DOP1A: variants seen among roughly 807,000 people sequenced by gnomAD.
DOP1A encodes protein DOP1A.
In DOP1A, 90 loss-of-function variants were observed where a neutral mutation model predicts 267.6. The observed-to-expected ratio is 0.34, with a 90% CI of 0.28 to 0.40. DOP1A has a LOEUF of 0.40. Ranked by LOEUF, DOP1A falls within the 10% of genes least tolerant of loss-of-function variation. DOP1A has a pLI of 1.00. For synonymous variants in DOP1A, 932 were observed against 999.1 expected (o/e 0.93, Z 1.27); for missense variants, 2,437 against 2,900.4 (o/e 0.84, Z 3.67).
At chr6:83,165,005 C>A in intron 38 of DOP1A, 2 of 313,516 alleles carry the variant, frequency 6.4e-6, no homozygotes, top group Non-Finnish European at 1.2e-5. Flanking sequence ...CTTAAAGGCT[C>A]ATCTTGATAG....
In DOP1A at chr6:83,070,161, TAGGAG is replaced by T. The variant is rs199947674; in HGVS notation, c.-147+2386_-147+2390del. Among the ~76,000 whole-genome samples, 1,180 of 152,302 alleles carry T rather than the reference TAGGAG, an allele frequency of 7.7e-3. 15 individuals are homozygous for T. Among genetic ancestry groups the T allele is most frequent in the African/African-American group, 0.026 (1,077 of 41,556 alleles). ...GTTAATGCACAATTTTGCTTGCAGATAGGAGAGGTGGGAAGAGAACATGTAATTTT... is the reference window on the plus strand; with the variant it reads ...GTTAATGCACAATTTTGCTTGCAGATAGGTGGGAAGAGAACATGTAATTTT... On this transcript the variant is annotated intron_variant, in intron 1 of 38. Coordinates refer to ENST00000349129, the MANE Select transcript of DOP1A (RefSeq NM_015018.4).
intron 33 of DOP1A, among the ~76,000 whole-genome samples, chr6:83,155,691 A>G (rs1185594591): frequency 6.6e-6 from 1 of 152,186 alleles, no homozygotes; most frequent in African/African-American, 2.4e-5. Context: ...GGTTTTATAT[A>G]AATGGTATTA....
chr6:83,108,982 A>G lies in DOP1A; in HGVS notation c.393A>G (p.Ile131Met). The part of the protein sequence containing the change: ...VKPTLLSLYE[I>M]YYLPLGKTLK... Reference sequence around the variant, plus strand: ...CAACATTGCTCAGTTTGTATGAGATATATTATCTGCCTTTGGGTAAAACAC... The same window carrying G: ...CAACATTGCTCAGTTTGTATGAGATGTATTATCTGCCTTTGGGTAAAACAC... Residue 131 changes from isoleucine to methionine, a missense_variant, in exon 5 of 39, where the codon ATA becomes ATG. Ile to Met is a conservative substitution (Grantham distance 10). Transcript: ENST00000349129. The G allele has an allele frequency of 1.2e-6, 2 of 1,613,810 alleles. No individual in the cohort carries two copies. The highest frequency in any genetic ancestry group is 1.7e-6 in the Non-Finnish European group (2 of 1,179,890).
chr6:83,151,442 G>A (rs1453118935), intron 27 of DOP1A, 151 bp from the exon 28 acceptor site: 4 of 490,120 alleles, frequency 8.2e-6, no homozygotes, highest in African/African-American at 2.0e-5. Context: ...GTTTATGAAT[G>A]TCAGTTGAGT....
chr6:83,112,414 T>C (rs1014103718), intron 6 of DOP1A, among the ~76,000 whole-genome samples: 1 of 151,942 alleles, frequency 6.6e-6, no homozygotes, highest in Non-Finnish European at 1.5e-5. Flanking sequence ...AGAAACAAAC[T>C]GTCATGTAAA....
chr6:83,082,190 G>A (rs1340992538), intron 1 of DOP1A, among the ~76,000 whole-genome samples: 1 of 152,126 alleles, frequency 6.6e-6, no homozygotes, highest in Non-Finnish European at 1.5e-5. Context: ...CAAAGAAAAT[G>A]AAATCAGTAT....
chr6:83,145,755 T>C lies in DOP1A; in HGVS notation c.5676+97T>C, dbSNP rs1021657526. 5.8e-6 allele frequency: 7 copies of C among 1,209,328 alleles called. No homozygotes were observed. The African/African-American group carries it at 1.1e-4, about 19-fold the overall frequency. 74.9% of individuals were successfully genotyped at this position (1,209,328 alleles called of 1,614,324 possible). On this transcript the variant is annotated intron_variant, in intron 25 of 38. Coordinates refer to ENST00000349129, the MANE Select transcript of DOP1A (RefSeq NM_015018.4). ...GTACAATAATGTCCTTTCAATATAG[T>C]ACAGATTGCAGAGATGACTGCATGT...
chr6:83,157,648 A>G (rs563973960), intron 35 of DOP1A, among the ~76,000 whole-genome samples: 1 of 152,322 alleles, frequency 6.6e-6, no homozygotes, highest in East Asian at 1.9e-4. Flanking sequence ...ACCCATTTAC[A>G]ATAGCTGTAG....
chr6:83,157,017 G>C lies in DOP1A; in HGVS notation c.6605-165G>C, dbSNP rs1336058975. On this transcript the variant is annotated intron_variant, in intron 34 of 38. Coordinates refer to ENST00000349129, the MANE Select transcript of DOP1A (RefSeq NM_015018.4). ...GTATTTTGTGTATCTTTGTTTAATT[G>C]GAGTTCTCTTATTCGTTGTTTTATG... 1.1e-4 allele frequency among the ~76,000 whole-genome samples: 16 copies of C among 152,054 alleles called. No individual in the cohort carries two copies. The South Asian group carries it at 1.9e-3, about 18-fold the overall frequency.
intron 1 of DOP1A, among the ~76,000 whole-genome samples, chr6:83,069,613 TAAAAA>T (rs979846623): frequency 5.3e-5 from 8 of 152,050 alleles, no homozygotes; most frequent in Non-Finnish European, 1.0e-4. Flanking sequence ...CTCACTTGTA[TAAAAA>T]AAATTATATT....
intron 1 of DOP1A, among the ~76,000 whole-genome samples, chr6:83,094,994 G>A (rs1041848701): frequency 5.9e-5 from 9 of 152,078 alleles, no homozygotes; most frequent in African/African-American, 1.4e-4. Flanking sequence ...GTGCAGCGGC[G>A]TGATCTTGGC....
At chr6:83,124,862 C>A in intron 13 of DOP1A, 43 bp downstream of exon 13, 2 of 1,461,828 alleles carry the variant, frequency 1.4e-6, no homozygotes, top group Non-Finnish European at 1.9e-6. Context: ...AATCGAATAA[C>A]GTAGTTCAAA....
At chr6:83,068,188 T>C (rs1031923527) in intron 1 of DOP1A, among the ~76,000 whole-genome samples, 1 of 152,134 alleles carries the variant, frequency 6.6e-6, no homozygotes, top group Non-Finnish European at 1.5e-5. Flanking sequence ...GTTGAAGGAA[T>C]CGAGGCGTTG....
downstream of DOP1A, chr6:83,169,430 T>C: frequency 7.6e-7 from 1 of 1,312,296 alleles, no homozygotes; most frequent in Non-Finnish European, 1.0e-6. Context: ...TGATTCTTGA[T>C]TTTGTTTCAC....
In DOP1A at chr6:83,094,054, A is replaced by G. The variant is rs571620953; in HGVS notation, c.-146-2677A>G. Among the ~76,000 whole-genome samples, 8 of 152,258 alleles carry G rather than the reference A, an allele frequency of 5.3e-5. No homozygotes were observed. In the South Asian group the frequency reaches 1.7e-3, roughly 32 times the overall value. On this transcript the variant is annotated intron_variant, in intron 1 of 38. Coordinates refer to ENST00000349129, the MANE Select transcript of DOP1A (RefSeq NM_015018.4). ...TATATTCATTTTGAGTTCATTGTCCATTTCCCACCAATTCCTCTTTTCCTC... is the reference window on the plus strand; with the variant it reads ...TATATTCATTTTGAGTTCATTGTCCGTTTCCCACCAATTCCTCTTTTCCTC...
At position 83,125,259 on chromosome 6, in the gene DOP1A, A is replaced by C. The variant is rs1445002799; in HGVS notation, c.1485+64A>C. 4 of 1,465,350 alleles carry C rather than the reference A, an allele frequency of 2.7e-6. No homozygotes were observed. In the African/African-American group the frequency reaches 5.8e-5, roughly 21 times the overall value. 90.8% of individuals were successfully genotyped at this position (1,465,350 alleles called of 1,614,324 possible). A position where few individuals can be genotyped will look rare whatever the true frequency, so the allele number is the denominator to read the frequency against. ...TTTACTTTTGTTATATTATAATTTT[A>C]GTAATGTAGCAGATAAAACTGGGGT... On this transcript the variant is annotated intron_variant, in intron 14 of 38. Coordinates refer to ENST00000349129, the MANE Select transcript of DOP1A (RefSeq NM_015018.4).
Position 83,138,094 on chromosome 6 carries a change from C to A in DOP1A, c.4052C>A (p.Ser1351Tyr). The change falls in exon 21 of 39, where the codon TCT becomes TAT. Residue 1351 changes from serine (S) to tyrosine (Y), a missense_variant. Physicochemically the swap from Ser to Tyr is moderately radical, Grantham distance 144 (BLOSUM62 -2). Transcript: ENST00000349129. The stretch of plus-strand genomic sequence containing the variant: ...TCTGAAATTGAGAGTGACATGGGTT[C>A]TCCAGGATCTCGAAAATCTCCCAAT... ...DISEIESDMG[S>Y]PGSRKSPNFN... 1 of 1,613,790 alleles carries A rather than the reference C, an allele frequency of 6.2e-7. No homozygotes were observed. The highest frequency in any genetic ancestry group is 8.5e-7 in the Non-Finnish European group (1 of 1,179,854).
rs781075934 is a variant in DOP1A at position 83,141,789 on chromosome 6, T to TC, written c.5416-130dup. 61 of 782,646 alleles carry TC rather than the reference T, an allele frequency of 7.8e-5. No homozygotes were observed. In the East Asian group the frequency reaches 1.6e-3, roughly 21 times the overall value. 48.5% of individuals were successfully genotyped at this position (782,646 alleles called of 1,614,324 possible). ...TGTAGCTCTTAACGTTATTAAAGTT[T>TC]CCTCTAGTGTTATTTAGATAGTAAA... On this transcript the variant is annotated intron_variant, in intron 23 of 38. Coordinates refer to ENST00000349129, the MANE Select transcript of DOP1A (RefSeq NM_015018.4).
At position 83,162,852 on chromosome 6, in the gene DOP1A, G is replaced by GTATA; in HGVS notation, c.7026_7029dup (p.His2344TyrfsTer7). Reference sequence around the variant, plus strand: ...TCAGGTTTGGAAGTCAGAAGGCAGGGTATACATCAACGAGAATTTAAACCT... The same window carrying GTATA: ...TCAGGTTTGGAAGTCAGAAGGCAGGGTATATATACATCAACGAGAATTTAAACCT... On this transcript the variant is annotated frameshift_variant, in exon 38 of 39. Transcript: ENST00000349129. LOFTEE classifies it high-confidence loss of function. 2 of 1,613,586 alleles carry GTATA rather than the reference G, an allele frequency of 1.2e-6. No individual in the cohort carries two copies. The highest frequency in any genetic ancestry group is 1.7e-6 in the Non-Finnish European group (2 of 1,179,640).
Sources: allele counts gnomAD v4.1 joint callset (sites outside exome capture counted in the v4.1 genomes callset), GRCh38; gene constraint gnomAD v4.1.1; transcripts MANE v1.5; gene names NCBI Gene and HGNC (gene_info 2026-07-23, HGNC 2026-07-21).